STAC: variants seen among roughly 807,000 people sequenced by gnomAD.
STAC encodes SH3 and cysteine rich domain.
Under a neutral mutation model 48.8 loss-of-function variants are expected in STAC, and 43 were observed. The ratio of observed to expected loss-of-function variants is 0.88; its 90% CI spans 0.69 to 1.14. The LOEUF is 1.14. Ranked by LOEUF, STAC falls within the 50% of genes most tolerant of loss-of-function variation. The pLI is 0.00. For missense variants in STAC, 497 were observed against 504.0 expected (o/e 0.99, Z 0.13); for synonymous variants, 193 against 179.5 (o/e 1.07, Z -0.60).
intron 1 of STAC, among the ~76,000 whole-genome samples, chr3:36,423,672 G>A (rs1443462492): frequency 6.6e-6 from 1 of 151,938 alleles, no homozygotes; most frequent in Non-Finnish European, 1.5e-5. Context: ...TTTTCGATAA[G>A]TTTCTTTTTT....
At chr3:36,431,229 T>G (rs1700692757) in intron 1 of STAC, among the ~76,000 whole-genome samples, 1 of 152,022 alleles carries the variant, frequency 6.6e-6, no homozygotes, top group African/African-American at 2.4e-5. Context: ...CATATTTCCA[T>G]CTTCTCTTTC....
At chr3:36,385,086 G>A (rs1190708840) in intron 1 of STAC, among the ~76,000 whole-genome samples, 2 of 152,170 alleles carry the variant, frequency 1.3e-5, no homozygotes, top group Non-Finnish European at 2.9e-5. Flanking sequence ...ATCTCTGAGA[G>A]AGATCTCAAG....
intron 2 of STAC, among the ~76,000 whole-genome samples, chr3:36,448,244 T>C (rs1282107741): frequency 2.0e-5 from 3 of 151,274 alleles, no homozygotes; most frequent in Non-Finnish European, 4.4e-5. Flanking sequence ...TTATTTGAGA[T>C]GGAGTCTTGC....
rs9865125 is a variant in STAC at position 36,443,254 on chromosome 3, G to T, written c.112-110G>T. 1,266,120 of 1,305,978 alleles carry T rather than the reference G, an allele frequency of 0.97. 613,855 individuals carry two copies. Among genetic ancestry groups the T allele is most frequent in the East Asian group, 1 (41,287 of 41,288 alleles). The allele number at this position is 1,305,978 out of a possible 1,614,324, so 80.9% of individuals were successfully genotyped here. On this transcript the variant is annotated intron_variant, in intron 1 of 10. Coordinates refer to ENST00000273183, the MANE Select transcript of STAC (RefSeq NM_003149.3). This position sits in a 1 kb window ranked among gnomAD's most constrained non-coding sequence, Gnocchi z 4.2. ...GGACATTTATGAGCCTCCTCAAGACGGAGGGTGTCAGTGGGGACTGTGTAG... is the reference window on the plus strand; with the variant it reads ...GGACATTTATGAGCCTCCTCAAGACTGAGGGTGTCAGTGGGGACTGTGTAG...
At chr3:36,503,808 T>A (rs561184371) in intron 6 of STAC, among the ~76,000 whole-genome samples, 8 of 152,130 alleles carry the variant, frequency 5.3e-5, no homozygotes, top group African/African-American at 1.7e-4. Context: ...AGGAAGAAAA[T>A]TATACTTCCC....
Position 36,486,174 on chromosome 3 carries a change from C to T in STAC, c.612C>T (p.Arg204=), listed in dbSNP as rs781058951. The part of the protein sequence containing the change: ...NKVDPVYETL[R]FGTSLAQRTK... ...TGGACCCTGTCTACGAGACCCTCCG[C>T]TTCGGCACCTCCCTGGCCCAGAGGA... Residue 204 remains arginine (R), a synonymous_variant, in exon 5 of 11, where the codon CGC becomes CGT. Coordinates refer to ENST00000273183, the MANE Select transcript of STAC (RefSeq NM_003149.3). The T allele has an allele frequency of 1.9e-6, 3 of 1,613,894 alleles. No individual in the cohort carries two copies. The South Asian group carries it at 3.3e-5, about 18-fold the overall frequency.
intron 1 of STAC, among the ~76,000 whole-genome samples, chr3:36,441,139 T>C (rs1696335628): frequency 6.6e-6 from 1 of 152,192 alleles, no homozygotes; most frequent in Non-Finnish European, 1.5e-5. Flanking sequence ...AACTATATAA[T>C]GTATTGTTGT....
At chr3:36,453,213 C>T (rs960721631) in intron 2 of STAC, among the ~76,000 whole-genome samples, 5 of 152,246 alleles carry the variant, frequency 3.3e-5, no homozygotes, top group African/African-American at 7.2e-5. Context: ...TCGCTCCCGG[C>T]GCCTCCTCTG....
chr3:36,542,566 C>T (rs567258148), intron 10 of STAC, among the ~76,000 whole-genome samples: 3 of 152,316 alleles, frequency 2.0e-5, no homozygotes, highest in East Asian at 3.9e-4. Context: ...CTCCTTCCTA[C>T]ACCTTTTTCT....
intron 1 of STAC, among the ~76,000 whole-genome samples, chr3:36,432,768 G>GCATGTCACTTAA (rs201264398): frequency 0.023 from 3,533 of 151,776 alleles, 58 homozygotes; most frequent in East Asian, 0.026. Flanking sequence ...TGGACTTCAG[G>GCATGTCACTTAA]CATCTTTCGG....
intron 10 of STAC, among the ~76,000 whole-genome samples, chr3:36,541,071 G>A (rs984840657): frequency 6.6e-6 from 1 of 152,094 alleles, no homozygotes; most frequent in Non-Finnish European, 1.5e-5. Context: ...AGCTATCCTT[G>A]AAATGATAGC....
intron 8 of STAC, among the ~76,000 whole-genome samples, chr3:36,515,610 A>G (rs1359983232): frequency 6.6e-6 from 1 of 152,212 alleles, no homozygotes; most frequent in African/African-American, 2.4e-5. Context: ...GTAGAGGAAC[A>G]GTCAGTTACC....
intron 10 of STAC, among the ~76,000 whole-genome samples, chr3:36,538,009 A>G (rs1481054794): frequency 6.6e-6 from 1 of 152,068 alleles, no homozygotes; most frequent in East Asian, 1.9e-4. Context: ...TATTTTGGAG[A>G]AAATTTGAGG....
intron 8 of STAC, among the ~76,000 whole-genome samples, chr3:36,523,001 C>A (rs1053031844): frequency 6.6e-6 from 1 of 152,188 alleles, no homozygotes; most frequent in Admixed American, 6.5e-5. Context: ...TCCCTGCAGA[C>A]AGTTTACCTG....
chr3:36,499,310 A>G (rs573931267), intron 6 of STAC, among the ~76,000 whole-genome samples: 68 of 152,326 alleles, frequency 4.5e-4, no homozygotes, highest in Non-Finnish European at 6.5e-4. Flanking sequence ...TTAATAAAAC[A>G]TTAGCTGAAA....
intron 2 of STAC, among the ~76,000 whole-genome samples, chr3:36,479,144 T>A (rs1697574397): frequency 6.6e-6 from 1 of 152,226 alleles, no homozygotes; most frequent in African/African-American, 2.4e-5. Flanking sequence ...AGAAATTTCC[T>A]AAGAAAACGT....
chr3:36,391,743 A>G (rs1286388635), intron 1 of STAC, among the ~76,000 whole-genome samples: 1 of 152,224 alleles, frequency 6.6e-6, no homozygotes, highest in Admixed American at 6.5e-5. Flanking sequence ...TAGAGAGAAG[A>G]CAAGATGTCT....
At chr3:36,545,337 A>G (rs959478109) in intron 10 of STAC, among the ~76,000 whole-genome samples, 3 of 151,300 alleles carry the variant, frequency 2.0e-5, no homozygotes, top group Non-Finnish European at 4.4e-5. Flanking sequence ...CCAGCTGAAA[A>G]CCTCTCATTG....
At chr3:36,484,895 T>C (rs1012898105) in intron 3 of STAC, 82 bp from the exon 4 acceptor site, 10 of 1,106,006 alleles carry the variant, frequency 9.0e-6, no homozygotes, top group African/African-American at 8.0e-5. Flanking sequence ...GAGAAACCAA[T>C]TGGTTTTATT....
Sources: allele counts gnomAD v4.1 joint callset (sites outside exome capture counted in the v4.1 genomes callset), GRCh38; gene constraint gnomAD v4.1.1; non-coding constraint Gnocchi (gnomAD v3.1); transcripts MANE v1.5; gene names NCBI Gene and HGNC (gene_info 2026-07-23, HGNC 2026-07-21).